ABCB1: variants seen among roughly 807,000 people sequenced by gnomAD.
The protein encoded by ABCB1 is ATP binding cassette subfamily B member 1, also known as ATP-dependent translocase ABCB1.
ABCB1 carries 69 observed loss-of-function variants against 142.0 expected under a neutral mutation model. That is an observed-to-expected ratio of 0.49 (90% CI 0.40 to 0.59). ABCB1 has a LOEUF of 0.59. Ranked by LOEUF, ABCB1 falls within the 20% of genes least tolerant of loss-of-function variation. ABCB1 has a pLI of 0.00. For synonymous variants in ABCB1, 532 were observed against 539.2 expected, an observed-to-expected ratio of 0.99 and a Z score of 0.18; for missense variants, 1,326 against 1,554.7, an observed-to-expected ratio of 0.85 and a Z score of 2.47.
At chr7:87,514,896 T>C (rs555021014) in intron 25 of ABCB1, among the ~76,000 whole-genome samples, 2 of 152,358 alleles carry the variant, frequency 1.3e-5, no homozygotes. Flanking sequence ...TCCTTGGCTT[T>C]CATCTCACTC....
chr7:87,536,992 G>A (rs1816322856), intron 19 of ABCB1: 2 of 203,866 alleles, frequency 9.8e-6, no homozygotes, highest in South Asian at 8.3e-5. Context: ...AATACCTCAG[G>A]GAAAGCAGAA....
intron 21 of ABCB1, among the ~76,000 whole-genome samples, chr7:87,523,844 G>A (rs2373588): frequency 0.097 from 14,750 of 152,050 alleles, 1,224 homozygotes; most frequent in East Asian, 0.38. Context: ...AAATGAGGAC[G>A]ATGGACTAGA....
In ABCB1 at chr7:87,519,419, G is replaced by A. The variant is rs766473800; in HGVS notation, c.2834C>T (p.Thr945Ile). The stretch of plus-strand genomic sequence containing the variant: ...ATAGGAAAAATACATCATTGCCTGG[G>A]TGAAGGAAAATGTAATTCCAAAGAT... ...AHIFGITFSFTQAMMYFSYAG... is the reference protein window; with the variant it reads ...AHIFGITFSFIQAMMYFSYAG... Residue 945 changes from threonine (T) to isoleucine (I), a missense_variant, in exon 23 of 28, where the codon ACC (threonine) becomes ATC (isoleucine). Thr to Ile is a moderately conservative substitution (Grantham distance 89, BLOSUM62 -1). Transcript: ENST00000622132. The A allele has an allele frequency of 1.9e-6, 3 of 1,613,978 alleles. No homozygotes were observed. The highest frequency in any genetic ancestry group is 2.5e-6 in the Non-Finnish European group (3 of 1,179,954).
chr7:87,519,381 G>T lies in ABCB1; in HGVS notation c.2872C>A (p.Arg958=), dbSNP rs200280095. Reference sequence around the variant, plus strand: ...TGTGCCACCAAGTAGGCTCCAAACCGGAAACATCCAGCATAGGAAAAATAC... The same window carrying T: ...TGTGCCACCAAGTAGGCTCCAAACCTGAAACATCCAGCATAGGAAAAATAC... ...MMYFSYAGCF[R]FGAYLVAHKL... is the part of the protein sequence containing the mutation. The change falls in exon 23 of 28, where the codon CGG becomes AGG. Residue 958 remains arginine (R), a synonymous_variant. Coordinates refer to ENST00000622132, the MANE Select transcript of ABCB1 (RefSeq NM_001348946.2). 1.2e-6 allele frequency: 2 copies of T among 1,614,070 alleles called. No homozygotes were observed. Among genetic ancestry groups the T allele is most frequent in the African/African-American group, 2.7e-5 (2 of 75,038 alleles).
At chr7:87,583,534 A>G (rs778351025) in intron 4 of ABCB1, among the ~76,000 whole-genome samples, 1 of 152,202 alleles carries the variant, frequency 6.6e-6, no homozygotes, top group Non-Finnish European at 1.5e-5. Context: ...TAGAAACTAG[A>G]TATCTATGAA....
intron 1 of ABCB1, among the ~76,000 whole-genome samples, chr7:87,691,745 G>T (rs993457116): frequency 6.6e-6 from 1 of 152,010 alleles, no homozygotes; most frequent in Non-Finnish European, 1.5e-5. Flanking sequence ...TCTTTCTGGG[G>T]TTGTCAGTGA....
At chr7:87,620,885 T>C (rs1412794972) in intron 1 of ABCB1, among the ~76,000 whole-genome samples, 1 of 152,150 alleles carries the variant, frequency 6.6e-6, no homozygotes, top group Non-Finnish European at 1.5e-5. Context: ...AGCTTTCCTG[T>C]GTAAATATTG....
intron 20 of ABCB1, chr7:87,531,728 T>C (rs1816065065): frequency 2.0e-6 from 1 of 509,120 alleles, no homozygotes; most frequent in South Asian, 2.3e-5. Flanking sequence ...CATATTCCTA[T>C]CTCTTTGGAT....
intron 20 of ABCB1, among the ~76,000 whole-genome samples, chr7:87,536,134 T>C (rs1816278043): frequency 6.6e-6 from 1 of 152,152 alleles, no homozygotes. Flanking sequence ...ATTAAATACA[T>C]CCTTTCTTCA....
chr7:87,587,390 A>G (rs886943042), intron 3 of ABCB1, among the ~76,000 whole-genome samples: 3 of 152,238 alleles, frequency 2.0e-5, no homozygotes, highest in African/African-American at 7.2e-5. Flanking sequence ...TAAAATCCAG[A>G]GATAAATGCC....
At chr7:87,577,434 G>C (rs1818315286) in intron 4 of ABCB1, among the ~76,000 whole-genome samples, 2 of 152,138 alleles carry the variant, frequency 1.3e-5, no homozygotes, top group Admixed American at 1.3e-4. Context: ...CCAGCAGAGG[G>C]ATAACTGGAT....
At chr7:87,706,921 C>T (rs1829648222) in intron 1 of ABCB1, among the ~76,000 whole-genome samples, 1 of 152,118 alleles carries the variant, frequency 6.6e-6, no homozygotes, top group African/African-American at 2.4e-5. Context: ...CAGTCTAGTT[C>T]TGGAGAGATA....
intron 1 of ABCB1, among the ~76,000 whole-genome samples, chr7:87,637,812 C>T (rs911445212): frequency 3.3e-5 from 5 of 151,876 alleles, no homozygotes; most frequent in South Asian, 4.1e-4. Flanking sequence ...AGATTTTTTG[C>T]AGTTAAAATT....
At chr7:87,693,814 G>A (rs1828231757) in intron 1 of ABCB1, 1 of 1,145,998 alleles carries the variant, frequency 8.7e-7, no homozygotes, top group South Asian at 1.3e-5. Context: ...ATTATATGTA[G>A]CCATCTTAGT....
chr7:87,565,203 C>T (rs998475175), intron 7 of ABCB1, among the ~76,000 whole-genome samples: 1 of 152,138 alleles, frequency 6.6e-6, no homozygotes, highest in African/African-American at 2.4e-5. Flanking sequence ...TTTCTTAATA[C>T]TTACTACCTG....
intron 3 of ABCB1, among the ~76,000 whole-genome samples, chr7:87,591,443 G>T (rs1332957361): frequency 1.3e-5 from 2 of 152,198 alleles, no homozygotes; most frequent in African/African-American, 2.4e-5. Flanking sequence ...AGGAATCACA[G>T]GTTGTGGTCA....
At chr7:87,684,746 C>CAAAAAAAA (rs71524694) in intron 1 of ABCB1, among the ~76,000 whole-genome samples, 36 of 37,792 alleles carry the variant, frequency 9.5e-4, no homozygotes, top group African/African-American at 3.0e-3. Context: ...GACTCCGTCT[C>CAAAAAAAA]AAAAAAAAAA....
At chr7:87,589,745 A>C (rs1818906815) in intron 3 of ABCB1, among the ~76,000 whole-genome samples, 1 of 149,334 alleles carries the variant, frequency 6.7e-6, no homozygotes, top group Non-Finnish European at 1.5e-5. Flanking sequence ...TGATCATGCC[A>C]CTGTACTCCA....
At chr7:87,630,746 T>C (rs138881246) in intron 1 of ABCB1, among the ~76,000 whole-genome samples, 1 of 152,076 alleles carries the variant, frequency 6.6e-6, no homozygotes, top group East Asian at 1.9e-4. Flanking sequence ...AAAATATTTA[T>C]TGAATGAATA....
Sources: allele counts gnomAD v4.1 joint callset (sites outside exome capture counted in the v4.1 genomes callset), GRCh38; gene constraint gnomAD v4.1.1; transcripts MANE v1.5; gene names NCBI Gene and HGNC (gene_info 2026-07-23, HGNC 2026-07-21).